ADRA1B: variants seen among roughly 807,000 people sequenced by gnomAD.
The protein encoded by ADRA1B is alpha-1B adrenergic receptor.
In ADRA1B, 17 loss-of-function variants were observed where a neutral mutation model predicts 17.9. The observed-to-expected ratio is 0.95, with a 90% CI of 0.65 to 1.42. ADRA1B has a LOEUF of 1.42. Ranked by LOEUF, ADRA1B falls within the 40% of genes most tolerant of loss-of-function variation. The pLI is 0.00. For missense variants in ADRA1B, 681 were observed against 722.1 expected (o/e 0.94, Z 0.65); for synonymous variants, 366 against 327.6 (o/e 1.12, Z -1.27).
At chr5:159,906,452 T>G (rs1471889570) in intron 1 of ADRA1B, among the ~76,000 whole-genome samples, 1 of 152,226 alleles carries the variant, frequency 6.6e-6, no homozygotes, top group Non-Finnish European at 1.5e-5. Context: ...TTTCTCAAAA[T>G]GTAGTCTTCT....
intron 1 of ADRA1B, among the ~76,000 whole-genome samples, chr5:159,881,180 CAAAAA>C (rs35928792): frequency 8.8e-5 from 5 of 56,828 alleles, no homozygotes; most frequent in African/African-American, 1.1e-4. Flanking sequence ...GACTCCGTCT[CAAAAA>C]AAAAAAAAAA....
intron 1 of ADRA1B, among the ~76,000 whole-genome samples, chr5:159,873,166 A>T (rs1753766925): frequency 6.6e-6 from 1 of 152,124 alleles, no homozygotes; most frequent in Admixed American, 6.5e-5. Flanking sequence ...TTCTTTATCC[A>T]GTCTATCATT....
Position 159,917,238 on chromosome 5 carries a change from G to A in ADRA1B, c.333G>A (p.Trp111Ter). The A allele has an allele frequency of 6.2e-7, 1 of 1,614,162 alleles. No individual in the cohort carries two copies. The highest frequency in any genetic ancestry group is 8.5e-7 in the Non-Finnish European group (1 of 1,180,022). The change falls in exon 1 of 2, where the codon TGG becomes TGA. Residue 111 changes from tryptophan to a stop codon, truncating the protein, a stop_gained. Coordinates refer to ENST00000306675, the MANE Select transcript of ADRA1B (RefSeq NM_000679.4). LOFTEE classifies it high-confidence loss of function. ...FSAALEVLGY[W>*]VLGRIFCDIW... ...CGGCCCTAGAGGTGCTCGGCTACTG[G>A]GTGCTGGGGCGGATCTTCTGTGACA...
At chr5:159,943,183 G>A (rs1047520309) in intron 1 of ADRA1B, among the ~76,000 whole-genome samples, 2 of 151,132 alleles carry the variant, frequency 1.3e-5, no homozygotes, top group African/African-American at 2.4e-5. Flanking sequence ...CTGTACTCCC[G>A]CCTGGGTGAC....
rs375442938 is a variant in ADRA1B, at chr5:159,908,049, T to C, written c.-255-8070T>C. On this transcript the variant is annotated intron_variant, in intron 1 of 2. Coordinates refer to the ADRA1B transcript ENST00000641205. ...CCTTAAAGACAATTATTGAATCAGG[T>C]CTCCCACCCTTCTTGGAAGAGTTAA... Among the ~76,000 whole-genome samples, 23 of 152,042 alleles carry C rather than the reference T, an allele frequency of 1.5e-4. No individual in the cohort carries two copies. The East Asian group carries it at 4.3e-3, about 28-fold the overall frequency.
Position 159,916,523 on chromosome 5 carries a change from G to A in ADRA1B, c.-383G>A, listed in dbSNP as rs893904682. The A allele has an allele frequency of 4.8e-5, 8 of 165,898 alleles. No individual in the cohort carries two copies. Among genetic ancestry groups the A allele is most frequent in the Non-Finnish European group, 9.0e-5 (7 of 77,988 alleles). 10.3% of individuals were successfully genotyped at this position (165,898 alleles called of 1,614,324 possible). On this transcript the variant is annotated 5_prime_UTR_variant, in exon 1 of 2. Coordinates refer to ENST00000306675, the MANE Select transcript of ADRA1B (RefSeq NM_000679.4). ...GCTCATTGAAAGCAGACCCTCTTCG[G>A]CGCTCGCTGGGCGGAGGACGCGCCG...
intron 1 of ADRA1B, among the ~76,000 whole-genome samples, chr5:159,925,758 G>A (rs1251461929): frequency 2.0e-5 from 3 of 152,196 alleles, no homozygotes; most frequent in Admixed American, 1.3e-4. Context: ...TCAACTCTTA[G>A]CTGGTTCCCA....
chr5:159,963,607 G>C (rs941305940), intron 1 of ADRA1B, among the ~76,000 whole-genome samples: 2 of 152,192 alleles, frequency 1.3e-5, no homozygotes, highest in African/African-American at 4.8e-5. Flanking sequence ...GGCTGTTGAA[G>C]GAGTAACTGG....
Position 159,942,110 on chromosome 5 carries a change from G to C in ADRA1B, c.949+24256G>C, listed in dbSNP as rs183404861. On this transcript the variant is annotated intron_variant, in intron 1 of 1. Transcript: ENST00000306675. Reference sequence around the variant, plus strand: ...GCTAATTTTTTGTATTTTTAGTAGAGATGGGGTTTCACGGTGTTAGCCAGG... The same window carrying C: ...GCTAATTTTTTGTATTTTTAGTAGACATGGGGTTTCACGGTGTTAGCCAGG... Among the ~76,000 whole-genome samples, 1,319 of 152,144 alleles carry C rather than the reference G, an allele frequency of 8.7e-3. 21 individuals are homozygous for C. The highest frequency in any genetic ancestry group is 0.03 in the African/African-American group (1,237 of 41,528).
At chr5:159,906,927 G>T (rs1205350434) in intron 1 of ADRA1B, among the ~76,000 whole-genome samples, 4 of 152,070 alleles carry the variant, frequency 2.6e-5, no homozygotes, top group African/African-American at 9.7e-5. Flanking sequence ...CCTTCCCTTT[G>T]CTTCCTTCTC....
At chr5:159,980,928 T>A in the ADRA1B span, among the ~76,000 whole-genome samples, 4 of 150,492 alleles carry the variant, frequency 2.7e-5, no homozygotes, top group Admixed American at 2.7e-4. Flanking sequence ...TTGGGAGACC[T>A]CACAATAAAA....
chr5:159,961,067 A>T (rs1350692993), intron 1 of ADRA1B, among the ~76,000 whole-genome samples: 1 of 152,246 alleles, frequency 6.6e-6, no homozygotes, highest in South Asian at 2.1e-4. Context: ...GTGCTTTGAC[A>T]ATTCAGCATT....
chr5:159,882,183 T>G (rs1338519426), intron 1 of ADRA1B, among the ~76,000 whole-genome samples: 1 of 152,152 alleles, frequency 6.6e-6, no homozygotes. Context: ...GTAAAATAAA[T>G]TAATAGACTC....
chr5:159,988,962 C>T, the ADRA1B span, among the ~76,000 whole-genome samples: 1 of 152,192 alleles, frequency 6.6e-6, no homozygotes, highest in Admixed American at 6.5e-5. Context: ...AATAATGCTG[C>T]TATGAGGATG....
chr5:159,909,004 A>G (rs1247350660), intron 1 of ADRA1B, among the ~76,000 whole-genome samples: 1 of 152,172 alleles, frequency 6.6e-6, no homozygotes, highest in Non-Finnish European at 1.5e-5. Context: ...AAGAAGCCAA[A>G]AAACCAAAAT....
intron 1 of ADRA1B, among the ~76,000 whole-genome samples, chr5:159,904,385 A>G (rs1459104087): frequency 1.3e-5 from 2 of 152,230 alleles, no homozygotes; most frequent in African/African-American, 4.8e-5. Flanking sequence ...AGTGTGGATA[A>G]GCTAGGTTCT....
intron 1 of ADRA1B, among the ~76,000 whole-genome samples, chr5:159,953,599 A>G (rs1755492699): frequency 6.6e-6 from 1 of 152,160 alleles, no homozygotes; most frequent in African/African-American, 2.4e-5. Context: ...TGTCTCTACC[A>G]CTGTGTAATC....
intron 1 of ADRA1B, among the ~76,000 whole-genome samples, chr5:159,923,188 G>A (rs560261596): frequency 2.8e-4 from 42 of 152,398 alleles, no homozygotes; most frequent in African/African-American, 8.9e-4. Flanking sequence ...GGCAGAGGCC[G>A]GGCCATGCAA....
chr5:159,877,179 C>A (rs970728069), intron 1 of ADRA1B, among the ~76,000 whole-genome samples: 2 of 151,968 alleles, frequency 1.3e-5, no homozygotes, highest in Admixed American at 6.6e-5. Context: ...CAGAGCCGTG[C>A]GCTCTGAAAA....
Sources: allele counts gnomAD v4.1 joint callset (sites outside exome capture counted in the v4.1 genomes callset), GRCh38; gene constraint gnomAD v4.1.1; transcripts MANE v1.5; gene names NCBI Gene and HGNC (gene_info 2026-07-23, HGNC 2026-07-21).